The following GUF1 variants were observed in gnomAD, a reference collection of about 807,000 sequenced individuals.
GUF1 encodes the protein GTP binding elongation factor GUF1.
GUF1 carries 78 observed loss-of-function variants against 82.4 expected under a neutral mutation model. The ratio of observed to expected loss-of-function variants is 0.95; its 90% CI spans 0.79 to 1.14. The LOEUF is 1.14. Among genes scored for constraint, GUF1 ranks in the 50% most tolerant of loss-of-function variants. The pLI, the probability that GUF1 is intolerant of heterozygous loss-of-function variation, is 0.00. For synonymous variants in GUF1, 279 were observed against 282.3 expected, an observed-to-expected ratio of 0.99 and a Z score of 0.12; for missense variants, 814 against 798.2, an observed-to-expected ratio of 1.02 and a Z score of -0.24.
chr4:44,697,095 CCT>C (rs1007072983), intron 15 of GUF1, among the ~76,000 whole-genome samples: 16 of 152,068 alleles, frequency 1.1e-4, no homozygotes, highest in African/African-American at 3.6e-4. Flanking sequence ...TAAAAAATAA[CCT>C]AATGTATTTC....
chr4:44,698,400 G>C, intron 16 of GUF1, 144 bp from the exon 17 acceptor site: 1 of 575,066 alleles, frequency 1.7e-6, no homozygotes, highest in South Asian at 3.1e-5. Context: ...AGTAAAATTA[G>C]ATCTGCTAGG....
chr4:44,680,495 G>T lies in GUF1; in HGVS notation c.220G>T (p.Val74Phe), dbSNP rs775392513. The T allele has an allele frequency of 2.5e-6, 4 of 1,609,456 alleles. No individual in the cohort carries two copies. The highest frequency in any genetic ancestry group is 2.2e-5 in the East Asian group (1 of 44,590). The change falls in exon 2 of 17, where the codon GTT (valine) becomes TTT (phenylalanine). Residue 74 changes from valine to phenylalanine, a missense_variant. Physicochemically the swap from Val to Phe is conservative, Grantham distance 50. Transcript: ENST00000281543. ...PVENIRNFSI[V>F]AHVDHGKSTL... The stretch of plus-strand genomic sequence containing the variant: ...TGAAAATATTAGAAATTTCAGTATT[G>T]TTGCACACGTGGATCATGGCAAAAG...
rs1181343950 is a variant in GUF1 at position 44,698,999 on chromosome 4, A to G, written c.*318A>G. 4.8e-6 allele frequency: 1 copy of G among 208,008 alleles called. No homozygotes were observed. Among genetic ancestry groups the G allele is most frequent in the Non-Finnish European group, 9.6e-6 (1 of 104,434 alleles). 12.9% of individuals were successfully genotyped at this position (208,008 alleles called of 1,614,324 possible). On this transcript the variant is annotated 3_prime_UTR_variant, in exon 17 of 17. Transcript: ENST00000281543. ...GAAGATTAAATGAGGTAATACGTTA[A>G]ATATTCAGAGGTGCAAGACACATAG...
intron 13 of GUF1, 156 bp from the exon 14 acceptor site, chr4:44,694,256 A>G (rs1185200922): frequency 3.3e-6 from 2 of 607,186 alleles, no homozygotes; most frequent in Non-Finnish European, 2.9e-6. Context: ...ATTTAGATCC[A>G]TTCACAAGAA....
chr4:44,681,239 A>G, intron 4 of GUF1, 36 bp downstream of exon 4: 1 of 1,419,238 alleles, frequency 7.0e-7, no homozygotes, highest in Non-Finnish European at 9.9e-7. Context: ...GTGATATGAC[A>G]TGACTATTTG....
rs964295141 is a variant in GUF1 at position 44,689,402 on chromosome 4, G to T, written c.1195G>T (p.Gly399Cys). 9.4e-6 allele frequency: 15 copies of T among 1,603,132 alleles called. No homozygotes were observed. The highest frequency in any genetic ancestry group is 6.8e-5 in the Admixed American group (4 of 58,766). The change falls in exon 10 of 17, where the codon GGC (glycine) becomes TGC (cysteine). Residue 399 changes from glycine to cysteine, a missense_variant. Physicochemically the swap from Gly to Cys is radical, Grantham distance 159. Transcript: ENST00000281543. ...GGATAGTAGCCTTGCTCTGGGTGCTGGCTGGAGGTAAGATTCATTCACATG... is the reference window on the plus strand; with the variant it reads ...GGATAGTAGCCTTGCTCTGGGTGCTTGCTGGAGGTAAGATTCATTCACATG... ...HRDSSLALGAGWRLGFLGLLH... is the reference protein window; with the variant it reads ...HRDSSLALGACWRLGFLGLLH...
intron 1 of GUF1, among the ~76,000 whole-genome samples, chr4:44,679,933 T>G (rs1363239637): frequency 1.3e-5 from 2 of 152,182 alleles, no homozygotes; most frequent in Non-Finnish European, 2.9e-5. Flanking sequence ...ATGTCATCTT[T>G]TTTTCTTTCT....
Position 44,686,697 on chromosome 4 carries a change from CAG to C in GUF1, c.923_924del (p.Gln308ProfsTer4). 6.2e-7 allele frequency: 1 copy of C among 1,603,034 alleles called. No homozygotes were observed. Among genetic ancestry groups the C allele is most frequent in the Non-Finnish European group, 8.5e-7 (1 of 1,170,532 alleles). ...AGTAGGAGTCTTGAATCCTAATGAG[CAG>C]CCAACTCATAAATTGTAAGTAATCT... ...NEVGVLNPNE[Q>X]PTHKLYAGQV... On this transcript the variant is annotated frameshift_variant, in exon 8 of 17. Transcript: ENST00000281543. LOFTEE classifies it high-confidence loss of function.
Position 44,689,892 on chromosome 4 carries a change from G to C in GUF1, c.1252G>C (p.Glu418Gln), listed in dbSNP as rs747187423. The C allele has an allele frequency of 3.1e-6, 5 of 1,605,884 alleles. No homozygotes were observed. The highest frequency in any genetic ancestry group is 4.3e-6 in the Non-Finnish European group (5 of 1,174,596). ...CATGGAAGTTTTCAACCAGCGACTG[G>C]AGCAAGAATATAATGCTTCTGTTAT... ...LHMEVFNQRL[E>Q]QEYNASVILT... Residue 418 changes from glutamate to glutamine, a missense_variant, in exon 11 of 17, where the codon GAG (glutamate) becomes CAG (glutamine). Glu to Gln is a conservative substitution (Grantham distance 29). Transcript: ENST00000281543.
intron 3 of GUF1, 101 bp downstream of exon 3, chr4:44,680,943 G>T (rs1714737591): frequency 2.5e-6 from 3 of 1,185,722 alleles, no homozygotes; most frequent in Non-Finnish European, 3.6e-6. Flanking sequence ...TTAAACATCT[G>T]CCTTTGCTTT....
At chr4:44,698,421 A>G in intron 16 of GUF1, 123 bp from the exon 17 acceptor site, 1 of 675,918 alleles carries the variant, frequency 1.5e-6, no homozygotes, top group South Asian at 2.2e-5. Flanking sequence ...AAGATTAGAG[A>G]GATGTCTGCC....
chr4:44,686,720 A>G lies in GUF1; in HGVS notation c.938+7A>G, dbSNP rs1232713501. The G allele has an allele frequency of 6.4e-7, 1 of 1,557,860 alleles. No individual in the cohort carries two copies. The highest frequency in any genetic ancestry group is 1.4e-5 in the African/African-American group (1 of 73,770). Reference sequence around the variant, plus strand: ...AGCAGCCAACTCATAAATTGTAAGTAATCTGCATTAGTAAAATTAAAATGC... The same window carrying G: ...AGCAGCCAACTCATAAATTGTAAGTGATCTGCATTAGTAAAATTAAAATGC... On this transcript the variant is annotated splice_region_variant and intron_variant, in intron 8 of 16. Transcript: ENST00000281543.
At position 44,680,709 on chromosome 4, in the gene GUF1, C is replaced by A; in HGVS notation, c.293C>A (p.Thr98Lys). ...CTGTTTATAGGGACAATTGATAAAA[C>A]AAAGAATAATAAGCAGGTTCTTGAT... ...LLELTGTIDK[T>K]KNNKQVLDKL... Residue 98 changes from threonine to lysine, a missense_variant, in exon 3 of 17, where the codon ACA becomes AAA. Thr to Lys is a moderately conservative substitution (Grantham distance 78, BLOSUM62 -1). Transcript: ENST00000281543. 2 of 1,597,392 alleles carry A rather than the reference C, an allele frequency of 1.3e-6. No individual in the cohort carries two copies. The highest frequency in any genetic ancestry group is 1.3e-5 in the African/African-American group (1 of 74,334).
chr4:44,689,693 A>G (rs947847294), intron 10 of GUF1, 150 bp from the exon 11 acceptor site: 2 of 698,956 alleles, frequency 2.9e-6, no homozygotes, highest in Admixed American at 3.5e-5. Flanking sequence ...ATCTTATTTA[A>G]TAAAATTATG....
chr4:44,689,381 AG>A lies in GUF1; in HGVS notation c.1175del (p.Ser392IlefsTer11). The A allele has an allele frequency of 6.2e-7, 1 of 1,608,336 alleles. No individual in the cohort carries two copies. Among genetic ancestry groups the A allele is most frequent in the South Asian group, 1.1e-5 (1 of 90,594 alleles). The stretch of plus-strand genomic sequence containing the variant: ...TTCCAGTGTGACCGTTCATCGGGAT[AG>A]TAGCCTTGCTCTGGGTGCTGGCTGG... ...NDSSVTVHRDSSLALGAGWRL... is the reference protein window; with the variant it reads ...NDSSVTVHRDXSLALGAGWRL... On this transcript the variant is annotated frameshift_variant, in exon 10 of 17. Coordinates refer to ENST00000281543, the MANE Select transcript of GUF1 (RefSeq NM_021927.3). LOFTEE classifies it high-confidence loss of function.
chr4:44,681,143 T>C lies in GUF1; in HGVS notation c.447T>C (p.Tyr149=), dbSNP rs765858256. ...CTCAGGGCCATGTTGATTTTAGTTA[T>C]GAAGTATCCAGGTCACTTTCTGCTT... ...IDTPGHVDFS[Y]EVSRSLSACQ... is the part of the protein sequence containing the mutation. The change falls in exon 4 of 17, where the codon TAT becomes TAC. Residue 149 remains tyrosine (Y), a synonymous_variant. Coordinates refer to ENST00000281543, the MANE Select transcript of GUF1 (RefSeq NM_021927.3). The C allele has an allele frequency of 3.1e-6, 5 of 1,613,188 alleles. No homozygotes were observed. The highest frequency in any genetic ancestry group is 4.2e-6 in the Non-Finnish European group (5 of 1,179,306).
intron 1 of GUF1, among the ~76,000 whole-genome samples, chr4:44,679,364 ACT>A (rs1714633793): frequency 6.6e-6 from 1 of 151,966 alleles, no homozygotes; most frequent in Non-Finnish European, 1.5e-5. Context: ...TGTAATTTTG[ACT>A]CTGGTGGGAG....
chr4:44,689,258 T>G, intron 9 of GUF1, 28 bp from the exon 10 acceptor site: 2 of 1,541,822 alleles, frequency 1.3e-6, no homozygotes, highest in Non-Finnish European at 1.8e-6. Flanking sequence ...GCTTATCACG[T>G]GATAATTAGA....
chr4:44,680,841 C>T lies in GUF1; in HGVS notation c.425C>T (p.Pro142Leu), dbSNP rs534419729. ...TACCTTTTAAATCTCATTGATACAC[C>T]GGTAAGTTTAATATTAATTTTGCAT... ...KQYLLNLIDT[P>L]GHVDFSYEVS... The change falls in exon 3 of 17, where the codon CCG (proline) becomes CTG (leucine). Residue 142 changes from proline (P) to leucine (L), a missense_variant and splice_region_variant. Coordinates refer to ENST00000281543, the MANE Select transcript of GUF1 (RefSeq NM_021927.3). 1.1e-5 allele frequency: 17 copies of T among 1,600,250 alleles called. No individual in the cohort carries two copies. The highest frequency in any genetic ancestry group is 1.7e-4 in the Middle Eastern group (1 of 5,976).
Sources: allele counts gnomAD v4.1 joint callset (sites outside exome capture counted in the v4.1 genomes callset), GRCh38; gene constraint gnomAD v4.1.1; transcripts MANE v1.5; gene names NCBI Gene and HGNC (gene_info 2026-07-23, HGNC 2026-07-21).